The following BICC1 variants were observed in gnomAD, a reference collection of about 807,000 sequenced individuals.
BICC1 encodes the protein protein bicaudal C homolog 1.
A neutral mutation model predicts 111.0 loss-of-function variants in BICC1; 43 were observed. That is an observed-to-expected ratio of 0.39 (90% CI 0.30 to 0.50). BICC1 has a LOEUF of 0.50. Among genes scored for constraint, BICC1 ranks in the 20% least tolerant of loss-of-function variants. BICC1 has a pLI of 0.88. For synonymous variants in BICC1, 467 were observed against 434.4 expected (o/e 1.07, Z -0.93); for missense variants, 1,091 against 1,203.2 (o/e 0.91, Z 1.38).
chr10:58,777,254 T>G (rs1285504093), intron 3 of BICC1, among the ~76,000 whole-genome samples: 1 of 152,070 alleles, frequency 6.6e-6, no homozygotes, highest in Admixed American at 6.6e-5. Context: ...CAGTGGAATC[T>G]TAACACAAAC....
chr10:58,518,175 A>G (rs1298188505), intron 1 of BICC1, among the ~76,000 whole-genome samples: 7 of 152,018 alleles, frequency 4.6e-5, no homozygotes. Context: ...TCATTATTTG[A>G]CTGGTCCTGA....
intron 2 of BICC1, among the ~76,000 whole-genome samples, chr10:58,700,091 TAGTTTC>T (rs1238863295): frequency 6.6e-6 from 1 of 152,208 alleles, no homozygotes; most frequent in Non-Finnish European, 1.5e-5. Context: ...GCAGAGAACT[TAGTTTC>T]TGTTTTGCAG....
Position 58,820,471 on chromosome 10 carries a change from G to T in BICC1, c.2794+3G>T. Reference sequence around the variant, plus strand: ...GAAAATGCTGCTTGCAATTTCAGGTGAATATAAATATTCAACTCATATGTT... The same window carrying T: ...GAAAATGCTGCTTGCAATTTCAGGTTAATATAAATATTCAACTCATATGTT... On this transcript the variant is annotated splice_donor_region_variant and intron_variant, in intron 20 of 20. Transcript: ENST00000373886. 1.3e-6 allele frequency: 2 copies of T among 1,589,988 alleles called. No homozygotes were observed. Among genetic ancestry groups the T allele is most frequent in the South Asian group, 2.2e-5 (2 of 90,592 alleles).
At chr10:58,575,109 A>G (rs1451959320) in intron 1 of BICC1, among the ~76,000 whole-genome samples, 1 of 151,456 alleles carries the variant, frequency 6.6e-6, no homozygotes, top group Admixed American at 6.6e-5. Context: ...GGTTTGCTGC[A>G]CCTATCAACT....
At chr10:58,733,814 T>G (rs936589884) in intron 3 of BICC1, among the ~76,000 whole-genome samples, 1 of 152,218 alleles carries the variant, frequency 6.6e-6, no homozygotes, top group African/African-American at 2.4e-5. Context: ...ATAAGTCTCT[T>G]TCACTCTAGT....
intron 2 of BICC1, among the ~76,000 whole-genome samples, chr10:58,689,028 TAAC>T (rs780510613): frequency 4.6e-5 from 7 of 152,016 alleles, no homozygotes; most frequent in African/African-American, 7.3e-5. Flanking sequence ...TAAAGTATAA[TAAC>T]AACAACAACA....
chr10:58,715,929 G>A (rs1840725830), intron 3 of BICC1: 1 of 1,336,830 alleles, frequency 7.5e-7, no homozygotes, highest in African/African-American at 1.4e-5. Flanking sequence ...ATGAGGATAA[G>A]AAACAAGGAA....
chr10:58,738,333 T>C lies in BICC1; in HGVS notation c.307+36190T>C, dbSNP rs1029373776. On this transcript the variant is annotated intron_variant, in intron 3 of 20. Transcript: ENST00000373886. The stretch of plus-strand genomic sequence containing the variant: ...GCTAGCCAGTTTTCCCAGCACCATT[T>C]ATTAAATAGGGAACCTTTCCCCATT... 1.2e-4 allele frequency among the ~76,000 whole-genome samples: 6 copies of C among 51,504 alleles called. 1 individual carries two copies. Among genetic ancestry groups the C allele is most frequent in the South Asian group, 2.3e-3 (2 of 888 alleles). 33.8% of individuals were successfully genotyped at this position (51,504 alleles called of 152,430 possible). A position where few individuals can be genotyped will look rare whatever the true frequency, so the allele number is the denominator to read the frequency against.
intron 1 of BICC1, among the ~76,000 whole-genome samples, chr10:58,573,799 C>T (rs1388117021): frequency 6.6e-6 from 1 of 151,432 alleles, no homozygotes; most frequent in African/African-American, 2.4e-5. Context: ...TGATTGACTT[C>T]TGATTATTCT....
intron 2 of BICC1, among the ~76,000 whole-genome samples, chr10:58,693,470 CCCA>C (rs1441287803): frequency 3.3e-5 from 5 of 152,178 alleles, no homozygotes. Context: ...AGTTTACAGT[CCCA>C]CCAACAGAGT....
At chr10:58,768,092 G>C (rs1343930038) in intron 3 of BICC1, among the ~76,000 whole-genome samples, 2 of 152,042 alleles carry the variant, frequency 1.3e-5, no homozygotes, top group Middle Eastern at 3.2e-3. Flanking sequence ...CAGGTTATGA[G>C]GCTCAAAGGT....
intron 3 of BICC1, among the ~76,000 whole-genome samples, chr10:58,712,582 A>G (rs1321209562): frequency 6.6e-6 from 1 of 152,218 alleles, no homozygotes; most frequent in African/African-American, 2.4e-5. Context: ...AATGCATTAT[A>G]CTAAGTGAAA....
chr10:58,575,013 C>CT (rs879780893), intron 1 of BICC1, among the ~76,000 whole-genome samples: 137 of 144,782 alleles, frequency 9.5e-4, no homozygotes, highest in South Asian at 8.9e-3. Flanking sequence ...CCCCTCAAAC[C>CT]TTTTTTTTTT....
chr10:58,701,562 C>T (rs2393469), intron 2 of BICC1, among the ~76,000 whole-genome samples: 105,411 of 151,998 alleles, frequency 0.69, 39,455 homozygotes, highest in East Asian at 0.9. Context: ...GACGTGATGT[C>T]GCGTTTAGAG....
chr10:58,702,220 A>G, intron 3 of BICC1, 77 bp downstream of exon 3: 1 of 1,128,820 alleles, frequency 8.9e-7, no homozygotes, highest in Admixed American at 1.9e-5. Context: ...GCTGGGGAGA[A>G]AACTAACCTT....
At chr10:58,736,124 G>A (rs1229365088) in intron 3 of BICC1, among the ~76,000 whole-genome samples, 1 of 152,224 alleles carries the variant, frequency 6.6e-6, no homozygotes, top group Non-Finnish European at 1.5e-5. Flanking sequence ...GGAAGGAGAT[G>A]TGTGTATTGG....
At chr10:58,641,978 A>G (rs1444983022) in intron 2 of BICC1, among the ~76,000 whole-genome samples, 1 of 152,200 alleles carries the variant, frequency 6.6e-6, no homozygotes, top group Non-Finnish European at 1.5e-5. Context: ...ATAATTTAAC[A>G]TTGAAACATA....
At chr10:58,731,376 T>C (rs1337277186) in intron 3 of BICC1, among the ~76,000 whole-genome samples, 1 of 152,172 alleles carries the variant, frequency 6.6e-6, no homozygotes, top group East Asian at 1.9e-4. Context: ...ATCTTCCCCC[T>C]CATCTTCCTG....
In BICC1 at chr10:58,793,483, G is replaced by C; in HGVS notation, c.1048-1G>C. The C allele has an allele frequency of 6.2e-7, 1 of 1,608,818 alleles. No homozygotes were observed. The highest frequency in any genetic ancestry group is 8.5e-7 in the Non-Finnish European group (1 of 1,177,054). On this transcript the variant is annotated splice_acceptor_variant, in intron 8 of 20. Transcript: ENST00000373886. LOFTEE classifies it high-confidence loss of function. ...ACACATTCTATTGTGACATTTTCTA[G>C]GGTTGTCTTCCTCTTGTGTTGATGT...
Sources: allele counts gnomAD v4.1 joint callset (sites outside exome capture counted in the v4.1 genomes callset), GRCh38; gene constraint gnomAD v4.1.1; transcripts MANE v1.5; gene names NCBI Gene and HGNC (gene_info 2026-07-23, HGNC 2026-07-21).